The following FRY variants were observed in gnomAD, a reference collection of about 807,000 sequenced individuals.
FRY encodes protein furry homolog.
FRY carries 128 observed loss-of-function variants against 348.4 expected under a neutral mutation model. The ratio of observed to expected loss-of-function variants is 0.37; its 90% CI spans 0.32 to 0.43. The LOEUF (loss-of-function observed/expected upper bound fraction) is 0.43, where lower values mean the gene tolerates loss of function less well. Ranked by LOEUF, FRY falls within the 20% of genes least tolerant of loss-of-function variation. The probability of loss-of-function intolerance (pLI) is 1.00; values close to 1 mark genes in which losing one functional copy is unlikely to be tolerated. For missense variants in FRY, 2,736 were observed against 3,695.2 expected (o/e 0.74, Z 6.73); for synonymous variants, 1,370 against 1,374.7 (o/e 1.00, Z 0.08).
At chr13:32,123,350 A>T (rs998607812) in intron 4 of FRY, among the ~76,000 whole-genome samples, 1 of 152,162 alleles carries the variant, frequency 6.6e-6, no homozygotes, top group Non-Finnish European at 1.5e-5. Context: ...AGCACAAATG[A>T]CTGCTTTGCT....
intron 56 of FRY, 88 bp from the exon 57 acceptor site, chr13:32,276,376 C>T (rs1354547321): frequency 2.5e-6 from 2 of 798,844 alleles, no homozygotes; most frequent in Non-Finnish European, 4.5e-6. Context: ...CTTAACAGCA[C>T]TTCTAAATAT....
Position 32,130,000 on chromosome 13 carries a change from C to T in FRY, c.717-1672C>T, listed in dbSNP as rs181338892. On this transcript the variant is annotated intron_variant, in intron 7 of 60. Transcript: ENST00000542859. Reference sequence around the variant, plus strand: ...GGTCTCAAGAATTGTTCCAAACTTCCGGGACTCTATTAGTTCACCTTTCAT... The same window carrying T: ...GGTCTCAAGAATTGTTCCAAACTTCTGGGACTCTATTAGTTCACCTTTCAT... Among the ~76,000 whole-genome samples the T allele has an allele frequency of 3.0e-3, 461 of 151,270 alleles. 2 individuals carry two copies. The highest frequency in any genetic ancestry group is 4.9e-3 in the Non-Finnish European group (334 of 67,920).
At position 32,183,029 on chromosome 13, in the gene FRY, C is replaced by T. The variant is rs1882803741; in HGVS notation, c.3049C>T (p.Pro1017Ser). ...PLMKEALERR[P>S]ENKKRRERRD... ...AATGAAAGAAGCTCTGGAAAGAAGACCAGAGGTAAGAATTTGAATTTAAAA... is the reference window on the plus strand; with the variant it reads ...AATGAAAGAAGCTCTGGAAAGAAGATCAGAGGTAAGAATTTGAATTTAAAA... The change falls in exon 24 of 61, where the codon CCA becomes TCA. Residue 1017 changes from proline to serine, a missense_variant. By Grantham distance (74) the Pro-to-Ser change is moderately conservative. Transcript: ENST00000542859. 6.3e-7 allele frequency: 1 copy of T among 1,586,624 alleles called. No homozygotes were observed.
Position 32,178,859 on chromosome 13 carries a change from C to T in FRY, c.2697C>T (p.Ala899=), listed in dbSNP as rs1197520313. The part of the protein sequence containing the change: ...PLVDPNSPIN[A]KKTSTAGSGD... ...ATATTTCTAGTAGCCCAATTAATGCCAAGAAAACCAGCACTGCCGGCAGCG... is the reference window on the plus strand; with the variant it reads ...ATATTTCTAGTAGCCCAATTAATGCTAAGAAAACCAGCACTGCCGGCAGCG... The change falls in exon 22 of 61, where the codon GCC becomes GCT. Residue 899 remains alanine, a synonymous_variant. Coordinates refer to ENST00000542859, the MANE Select transcript of FRY (RefSeq NM_023037.3). 6.2e-7 allele frequency: 1 copy of T among 1,612,126 alleles called. No individual in the cohort carries two copies. Among genetic ancestry groups the T allele is most frequent in the Admixed American group, 1.7e-5 (1 of 60,012 alleles).
In FRY at chr13:32,201,655, CT is replaced by C. The variant is rs1884037198; in HGVS notation, c.3747-282del. Among the ~76,000 whole-genome samples, 4 of 152,268 alleles carry C rather than the reference CT, an allele frequency of 2.6e-5. No homozygotes were observed. In the South Asian group the frequency reaches 8.3e-4, roughly 32 times the overall value. On this transcript the variant is annotated intron_variant, in intron 29 of 60. Coordinates refer to ENST00000542859, the MANE Select transcript of FRY (RefSeq NM_023037.3). Reference sequence around the variant, plus strand: ...TTAAAGTCCGTTTGCATCAGATAGACTTTTGTGTTCTTTTATCCTGGTGTCC... The same window carrying C: ...TTAAAGTCCGTTTGCATCAGATAGACTTTGTGTTCTTTTATCCTGGTGTCC...
chr13:32,135,701 G>A (rs563604505), intron 10 of FRY, among the ~76,000 whole-genome samples: 243 of 152,244 alleles, frequency 1.6e-3, no homozygotes, highest in African/African-American at 5.7e-3. Context: ...AATCTTTTAG[G>A]TTACCACCAC....
intron 36 of FRY, among the ~76,000 whole-genome samples, chr13:32,220,165 T>A (rs1488032921): frequency 1.3e-5 from 2 of 152,252 alleles, no homozygotes; most frequent in Non-Finnish European, 2.9e-5. Context: ...GTTCATTTCG[T>A]AAGTTGGTGC....
intron 59 of FRY, among the ~76,000 whole-genome samples, chr13:32,292,934 T>C (rs1202378489): frequency 6.6e-6 from 1 of 152,156 alleles, no homozygotes; most frequent in Non-Finnish European, 1.5e-5. Flanking sequence ...GGCAAGATCC[T>C]CTACCAGCAA....
chr13:32,062,407 C>T (rs1270175374), intron 1 of FRY, among the ~76,000 whole-genome samples: 1 of 152,090 alleles, frequency 6.6e-6, no homozygotes, highest in African/African-American at 2.4e-5. Context: ...CACTCATTGC[C>T]TTTCTTGCTC....
intron 1 of FRY, among the ~76,000 whole-genome samples, chr13:32,056,541 C>T (rs911839064): frequency 6.6e-6 from 1 of 152,122 alleles, no homozygotes; most frequent in Admixed American, 6.6e-5. Flanking sequence ...GGTTCCCTGC[C>T]CTTATTATGG....
chr13:32,050,752 G>A (rs1030939776), intron 1 of FRY, among the ~76,000 whole-genome samples: 3 of 152,156 alleles, frequency 2.0e-5, no homozygotes, highest in Non-Finnish European at 4.4e-5. Flanking sequence ...ATGCCACAGA[G>A]TACTCTGGTG....
intron 51 of FRY, among the ~76,000 whole-genome samples, chr13:32,260,097 T>C (rs1440842515): frequency 1.8e-4 from 27 of 152,230 alleles, no homozygotes; most frequent in Non-Finnish European, 2.9e-5. Context: ...CTCTGTTATA[T>C]GACAGATCTG....
intron 39 of FRY, among the ~76,000 whole-genome samples, chr13:32,227,375 C>A (rs188946459): frequency 6.6e-6 from 1 of 152,116 alleles, no homozygotes; most frequent in Non-Finnish European, 1.5e-5. Context: ...TCCATAAATT[C>A]CCTGAGGCTA....
intron 25 of FRY, 22 bp from the exon 26 acceptor site, chr13:32,184,953 AG>A: frequency 6.2e-7 from 1 of 1,605,916 alleles, no homozygotes; most frequent in Non-Finnish European, 8.5e-7. Context: ...ATCATCTAAA[AG>A]TTTCATTTTC....
chr13:32,170,990 T>TTTTCCTTTATTC (rs1298439641), intron 17 of FRY, 22 bp from the exon 18 acceptor site: 1 of 1,549,640 alleles, frequency 6.5e-7, no homozygotes, highest in South Asian at 1.1e-5. Context: ...AATGATTTTA[T>TTTTCCTTTATTC]TTTCCTTTAT....
intron 35 of FRY, among the ~76,000 whole-genome samples, chr13:32,214,272 GA>G (rs1268758027): frequency 2.6e-5 from 4 of 152,082 alleles, no homozygotes; most frequent in Non-Finnish European, 4.4e-5. Context: ...GGTGCTTACA[GA>G]CACACTTAAC....
chr13:32,211,028 G>C lies in FRY; in HGVS notation c.4585G>C (p.Ala1529Pro), dbSNP rs1884655819. 6.2e-7 allele frequency: 1 copy of C among 1,614,012 alleles called. No individual in the cohort carries two copies. Among genetic ancestry groups the C allele is most frequent in the East Asian group, 2.2e-5 (1 of 44,892 alleles). Residue 1529 changes from alanine (A) to proline (P), a missense_variant, in exon 34 of 61, where the codon GCC (alanine) becomes CCC (proline). By Grantham distance (27) the Ala-to-Pro change is conservative. Around this residue, in one of 9 missense-constraint regions of FRY, gnomAD observed 794 missense variants for 977.0 expected, o/e 0.81. Coordinates refer to ENST00000542859, the MANE Select transcript of FRY (RefSeq NM_023037.3). ...FTASSKASAA[A>P]SGTTSSSNTV... ...GGCCAGTAGCAAGGCTTCCGCAGCA[G>C]CCTCAGGTAAGAAGAGCAACCGGGC...
intron 8 of FRY, among the ~76,000 whole-genome samples, chr13:32,133,250 C>T (rs1266787442): frequency 5.9e-5 from 9 of 152,132 alleles, no homozygotes; most frequent in Non-Finnish European, 1.0e-4. Flanking sequence ...TATCAAACTT[C>T]TCGGGTTTGA....
intron 1 of FRY, among the ~76,000 whole-genome samples, chr13:32,055,793 G>A: frequency 6.6e-6 from 1 of 152,276 alleles, no homozygotes; most frequent in Non-Finnish European, 1.5e-5. Context: ...TTTGGAAAAA[G>A]AACATTTAGT....
Sources: allele counts gnomAD v4.1 joint callset (sites outside exome capture counted in the v4.1 genomes callset), GRCh38; gene constraint gnomAD v4.1.1; regional missense constraint gnomAD v4.1.1; transcripts MANE v1.5; gene names NCBI Gene and HGNC (gene_info 2026-07-23, HGNC 2026-07-21).